The following LGR5 variants were observed in gnomAD, a reference collection of about 807,000 sequenced individuals.
LGR5 encodes the protein leucine rich repeat containing G protein-coupled receptor 5, also known as leucine-rich repeat-containing G protein-coupled receptor 5.
LGR5 carries 54 observed loss-of-function variants against 76.7 expected under a neutral mutation model. The observed-to-expected ratio is 0.70, with a 90% CI of 0.57 to 0.88. The LOEUF (loss-of-function observed/expected upper bound fraction) is 0.88. Ranked by LOEUF, LGR5 falls within the 40% of genes least tolerant of loss-of-function variation. LGR5 has a pLI of 0.00. For missense variants in LGR5, 1,078 were observed against 1,073.3 expected (o/e 1.00, Z -0.06); for synonymous variants, 406 against 421.9 (o/e 0.96, Z 0.46).
At position 71,561,854 on chromosome 12, in the gene LGR5, T is replaced by C; in HGVS notation, c.857+2T>C. ...AGGCAACCCTTCTCTTATTACAATG[T>C]AAGTGACCATAATGCTTTTCGGTTT... On this transcript the variant is annotated splice_donor_variant, in intron 8 of 17. Transcript: ENST00000266674. LOFTEE classifies it high-confidence loss of function. 6.4e-7 allele frequency: 1 copy of C among 1,559,022 alleles called. No individual in the cohort carries two copies. The highest frequency in any genetic ancestry group is 8.8e-7 in the Non-Finnish European group (1 of 1,133,030).
chr12:71,503,325 T>A (rs560091628), intron 1 of LGR5, among the ~76,000 whole-genome samples: 131 of 152,358 alleles, frequency 8.6e-4, no homozygotes, highest in African/African-American at 2.5e-3. Flanking sequence ...TTAGTCTATA[T>A]TTATGGCATT....
At chr12:71,571,310 A>G (rs10506636) in intron 11 of LGR5, 40,679 of 432,440 alleles carry the variant, frequency 0.094, 3,816 homozygotes, top group East Asian at 0.39. Flanking sequence ...TTAAAGAAGT[A>G]TAACAGTTAC....
rs1276135025 is a variant in LGR5 at position 71,583,871 on chromosome 12, T to C, written c.1861T>C (p.Phe621Leu). 8 of 1,614,024 alleles carry C rather than the reference T, an allele frequency of 5.0e-6. No individual in the cohort carries two copies. The highest frequency in any genetic ancestry group is 6.8e-6 in the Non-Finnish European group (8 of 1,180,038). ...GCTGGCTGGTGTGGATGCGTTCACT[T>C]TTGGCAGCTTTGCACGACATGGTGC... is the stretch of plus-strand genomic sequence containing the variant. ...AVLAGVDAFT[F>L]GSFARHGAWW... The change falls in exon 18 of 18, where the codon TTT becomes CTT. Residue 621 changes from phenylalanine to leucine, a missense_variant. By Grantham distance (22) the Phe-to-Leu change is conservative. Coordinates refer to ENST00000266674, the MANE Select transcript of LGR5 (RefSeq NM_003667.4).
At chr12:71,489,421 G>A (rs1174533151) in intron 1 of LGR5, among the ~76,000 whole-genome samples, 6 of 152,214 alleles carry the variant, frequency 3.9e-5, no homozygotes, top group African/African-American at 1.4e-4. Flanking sequence ...CATTTTTGTT[G>A]TTCCAATTCA....
chr12:71,572,123 G>A (rs1209247666), intron 12 of LGR5, among the ~76,000 whole-genome samples: 6 of 144,258 alleles, frequency 4.2e-5, no homozygotes, highest in East Asian at 4.1e-4. Context: ...TCGCTCTGTC[G>A]CCCAGGCCGG....
At chr12:71,492,250 T>C (rs539576233) in intron 1 of LGR5, among the ~76,000 whole-genome samples, 2 of 152,316 alleles carry the variant, frequency 1.3e-5, no homozygotes, top group South Asian at 4.1e-4. Flanking sequence ...CAGAGACCTC[T>C]AGGGTTACTT....
At chr12:71,571,161 AGAGAT>A (rs1035282756) in intron 11 of LGR5, 8 of 160,156 alleles carry the variant, frequency 5.0e-5, no homozygotes, top group Admixed American at 1.9e-4. Flanking sequence ...TCTGAGCTGT[AGAGAT>A]GTAGCAGCTC....
chr12:71,456,364 C>T (rs1872474390), intron 1 of LGR5, among the ~76,000 whole-genome samples: 1 of 152,002 alleles, frequency 6.6e-6, no homozygotes, highest in African/African-American at 2.4e-5. Context: ...CTGCAGTGAC[C>T]AGGGTATGGT....
Position 71,445,951 on chromosome 12 carries a change from C to G in LGR5, c.212+5659C>G, listed in dbSNP as rs561296727. 3.9e-5 allele frequency among the ~76,000 whole-genome samples: 6 copies of G among 152,266 alleles called. No homozygotes were observed. The South Asian group carries it at 1.2e-3, about 32-fold the overall frequency. ...CAACTCCTGACCGTGTAAACAACTTCCTGAAAGTCAGATGGAATAACACCC... is the reference window on the plus strand; with the variant it reads ...CAACTCCTGACCGTGTAAACAACTTGCTGAAAGTCAGATGGAATAACACCC... On this transcript the variant is annotated intron_variant, in intron 1 of 17. Transcript: ENST00000266674.
chr12:71,454,855 C>G (rs1010246409), intron 1 of LGR5, among the ~76,000 whole-genome samples: 5 of 150,688 alleles, frequency 3.3e-5, no homozygotes, highest in Non-Finnish European at 5.9e-5. Flanking sequence ...AAAAAAAACA[C>G]TCATTGTGGA....
intron 8 of LGR5, 64 bp from the exon 9 acceptor site, chr12:71,566,340 T>A: frequency 9.7e-7 from 1 of 1,028,668 alleles, no homozygotes; most frequent in Non-Finnish European, 1.5e-6. Flanking sequence ...GTTCAAATTT[T>A]GAACAGATAT....
chr12:71,585,531 C>A lies in LGR5; in HGVS notation c.*797C>A, dbSNP rs988822846. 1 of 152,180 alleles carries A rather than the reference C, an allele frequency of 6.6e-6. No homozygotes were observed. The highest frequency in any genetic ancestry group is 1.5e-5 in the Non-Finnish European group (1 of 68,030). The allele number at this position is 152,180 out of a possible 1,614,324, so 9.4% of individuals were successfully genotyped here. The stretch of plus-strand genomic sequence containing the variant: ...CAAAGCTCAGAAGGGAATTCCACTG[C>A]CAGCAATGAACATACCTGGAAAAGA... On this transcript the variant is annotated 3_prime_UTR_variant, in exon 18 of 18. Transcript: ENST00000266674.
At chr12:71,474,595 C>T (rs2137248953) in intron 1 of LGR5, among the ~76,000 whole-genome samples, 1 of 152,226 alleles carries the variant, frequency 6.6e-6, no homozygotes, top group East Asian at 1.9e-4. Context: ...TGGTTTAGTT[C>T]CCCAATCTTT....
intron 1 of LGR5, among the ~76,000 whole-genome samples, chr12:71,481,033 CT>C (rs1873574665): frequency 6.6e-6 from 1 of 152,120 alleles, no homozygotes; most frequent in Admixed American, 6.5e-5. Context: ...CCAGCAACGG[CT>C]TTTTGAACCC....
At chr12:71,512,148 T>C (rs940430564) in intron 2 of LGR5, among the ~76,000 whole-genome samples, 11 of 152,100 alleles carry the variant, frequency 7.2e-5, no homozygotes, top group African/African-American at 2.7e-4. Context: ...CCCGCCATCA[T>C]GCCCAGCTAA....
At chr12:71,492,196 C>G (rs1874105458) in intron 1 of LGR5, among the ~76,000 whole-genome samples, 1 of 152,158 alleles carries the variant, frequency 6.6e-6, no homozygotes, top group South Asian at 2.1e-4. Flanking sequence ...TCAACGTTAT[C>G]AACTCCCACT....
At chr12:71,456,997 CT>C (rs1008315374) in intron 1 of LGR5, among the ~76,000 whole-genome samples, 1 of 151,378 alleles carries the variant, frequency 6.6e-6, no homozygotes, top group Non-Finnish European at 1.5e-5. Context: ...CCCCATCTCA[CT>C]TTTTTTTTAA....
At chr12:71,580,795 A>C (rs911895537) in intron 16 of LGR5, among the ~76,000 whole-genome samples, 1 of 152,152 alleles carries the variant, frequency 6.6e-6, no homozygotes, top group African/African-American at 2.4e-5. Flanking sequence ...CAACAGAGCA[A>C]GACTGTCTCA....
intron 1 of LGR5, among the ~76,000 whole-genome samples, chr12:71,446,678 T>C (rs1872009736): frequency 6.6e-6 from 1 of 152,248 alleles, no homozygotes; most frequent in Admixed American, 6.5e-5. Flanking sequence ...TCATTTTAAT[T>C]GGTGCTGAAA....
Sources: gnomAD v4.1 joint callset for allele counts (sites outside exome capture counted in the v4.1 genomes callset) on GRCh38, gnomAD v4.1.1 for gene constraint, MANE v1.5 for transcripts, NCBI Gene and HGNC (gene_info 2026-07-23, HGNC 2026-07-21) for gene names.